AKT1: variants seen among roughly 807,000 people sequenced by gnomAD.
AKT1 encodes AKT serine/threonine kinase 1.
AKT1 carries 21 observed loss-of-function variants against 63.1 expected under a neutral mutation model. The observed-to-expected ratio is 0.33, with a 90% confidence interval of 0.24 to 0.48. The LOEUF (loss-of-function observed/expected upper bound fraction) is 0.48, where lower values mean the gene tolerates loss of function less well. Ranked by LOEUF, AKT1 falls within the 20% of genes least tolerant of loss-of-function variation. The pLI, the probability that AKT1 is intolerant of heterozygous loss-of-function variation, is 0.99. For synonymous variants in AKT1, 257 were observed against 253.1 expected, an observed-to-expected ratio of 1.02 and a Z score of -0.15; for missense variants, 382 against 666.0, an observed-to-expected ratio of 0.57 and a Z score of 4.69.
In AKT1 at chr14:104,780,196, G is replaced by T. The variant is rs1892954511; in HGVS notation, c.67C>A (p.Arg23=). The T allele has an allele frequency of 6.2e-7, 1 of 1,613,258 alleles. No homozygotes were observed. The highest frequency in any genetic ancestry group is 8.5e-7 in the Non-Finnish European group (1 of 1,179,896). ...TTCTTGAGGAGGAAGTAGCGTGGCC[G>T]CCAGGTCTTGATGTACTCCCCTACA... is the stretch of plus-strand genomic sequence containing the variant. ...HKRGEYIKTW[R]PRYFLLKNDG... is the part of the protein sequence containing the mutation. The change falls in exon 4 of 15, where the codon CGG becomes AGG. Residue 23 remains arginine, a synonymous_variant. Coordinates refer to ENST00000649815, the MANE Select transcript of AKT1 (RefSeq NM_001382430.1).
At chr14:104,790,613 G>A (rs552627470) in intron 3 of AKT1, among the ~76,000 whole-genome samples, 17 of 152,304 alleles carry the variant, frequency 1.1e-4, no homozygotes, top group African/African-American at 2.4e-4. Flanking sequence ...ACCTGCTCTC[G>A]GCAACAAGAG....
At chr14:104,789,213 G>A (rs1389569789) in intron 3 of AKT1, among the ~76,000 whole-genome samples, 1 of 152,212 alleles carries the variant, frequency 6.6e-6, no homozygotes, top group African/African-American at 2.4e-5. Context: ...TTTCTCGAGA[G>A]CCCAGAGCAC....
At chr14:104,776,617 G>A (rs2140928856) in intron 5 of AKT1, 42 bp downstream of exon 5, 1 of 1,575,450 alleles carries the variant, frequency 6.3e-7, no homozygotes, top group Non-Finnish European at 8.7e-7. Flanking sequence ...CTAAGCGCTG[G>A]GGCTGCCCAA....
intron 1 of AKT1, chr14:104,794,353 C>T (rs1893781624): frequency 6.6e-6 from 1 of 152,446 alleles, no homozygotes; most frequent in African/African-American, 2.4e-5. Context: ...CTGACAGAGT[C>T]AGACAGCTGT....
At chr14:104,775,591 A>G in intron 6 of AKT1, 61 bp downstream of exon 6, 2 of 1,578,274 alleles carry the variant, frequency 1.3e-6, no homozygotes, top group Non-Finnish European at 1.7e-6. Context: ...CCCATGACCC[A>G]CCCAGCCCTC....
intron 3 of AKT1, among the ~76,000 whole-genome samples, chr14:104,786,665 C>T (rs1893349711): frequency 6.6e-6 from 1 of 152,226 alleles, no homozygotes; most frequent in Non-Finnish European, 1.5e-5. Flanking sequence ...CATCTTGTTT[C>T]TGCCCCAACT....
At chr14:104,774,916 C>T in intron 8 of AKT1, 22 bp downstream of exon 8, 2 of 1,605,168 alleles carry the variant, frequency 1.2e-6, no homozygotes, top group South Asian at 1.1e-5. Context: ...AGCCCTTCAG[C>T]CCCATCTGGG....
In AKT1 at chr14:104,770,405, C is replaced by G; in HGVS notation, c.1379G>C (p.Cys460Ser). Residue 460 changes from cysteine (C) to serine (S), a missense_variant, in exon 15 of 15, where the codon TGT becomes TCT. Cys to Ser is a moderately radical substitution (Grantham distance 112). Transcript: ENST00000649815. ...GTGGGGCCTGCGCTCGCTGTCCACACACTCCATGCTGTCATCTGTGGGTGT... is the reference window on the plus strand; with the variant it reads ...GTGGGGCCTGCGCTCGCTGTCCACAGACTCCATGCTGTCATCTGTGGGTGT... ...TPPDQDDSME[C>S]VDSERRPHFP... 6.2e-7 allele frequency: 1 copy of G among 1,612,086 alleles called. No individual in the cohort carries two copies. The highest frequency in any genetic ancestry group is 8.5e-7 in the Non-Finnish European group (1 of 1,179,782).
At chr14:104,781,959 C>T (rs781517819) in intron 3 of AKT1, among the ~76,000 whole-genome samples, 3 of 152,212 alleles carry the variant, frequency 2.0e-5, no homozygotes, top group Non-Finnish European at 2.9e-5. Context: ...AGTGGGCTGC[C>T]GAGCAGGCGT....
chr14:104,772,131 G>A (rs1378696942), intron 13 of AKT1: 2 of 593,670 alleles, frequency 3.4e-6, no homozygotes, highest in South Asian at 2.0e-5. Flanking sequence ...ACACCTCCGA[G>A]GGGAGGAGGA....
At chr14:104,788,542 C>G (rs1329809325) in intron 3 of AKT1, among the ~76,000 whole-genome samples, 1 of 152,220 alleles carries the variant, frequency 6.6e-6, no homozygotes, top group Non-Finnish European at 1.5e-5. Context: ...TGAGGTCCCC[C>G]ACCTCACGCA....
Position 104,774,923 on chromosome 14 carries a change from T to C in AKT1, c.633+15A>G, listed in dbSNP as rs770757599. The C allele has an allele frequency of 1.6e-5, 26 of 1,607,854 alleles. No homozygotes were observed. Among genetic ancestry groups the C allele is most frequent in the Non-Finnish European group, 2.2e-5 (26 of 1,177,812 alleles). ...CTGGCCCCAGCCCTTCAGCCCCATC[T>C]GGGCTCCCACTCACTGTGAGGAAGG... On this transcript the variant is annotated intron_variant, in intron 8 of 14. Coordinates refer to ENST00000649815, the MANE Select transcript of AKT1 (RefSeq NM_001382430.1).
At chr14:104,782,323 G>T (rs11848899) in intron 3 of AKT1, among the ~76,000 whole-genome samples, 24,305 of 152,170 alleles carry the variant, frequency 0.16, 2,119 homozygotes, top group South Asian at 0.27. Context: ...AGACTGATGA[G>T]CGCCCAGGCC....
chr14:104,773,852 G>A (rs772284080), intron 9 of AKT1, 60 bp downstream of exon 9: 64 of 1,507,942 alleles, frequency 4.2e-5, no homozygotes, highest in Non-Finnish European at 3.5e-5. Flanking sequence ...GGGAAGGACC[G>A]GCCCCACCAT....
At chr14:104,790,075 C>G (rs1027839228) in intron 3 of AKT1, among the ~76,000 whole-genome samples, 2 of 152,232 alleles carry the variant, frequency 1.3e-5, no homozygotes, top group Non-Finnish European at 2.9e-5. Flanking sequence ...CATACCCGTC[C>G]CCTCTCATCT....
chr14:104,786,115 G>T (rs1181340157), intron 3 of AKT1, among the ~76,000 whole-genome samples: 3 of 152,058 alleles, frequency 2.0e-5, no homozygotes, highest in Admixed American at 6.5e-5. Flanking sequence ...CTCATTTTTG[G>T]TCTGCCCCAA....
intron 3 of AKT1, among the ~76,000 whole-genome samples, chr14:104,788,923 C>T (rs1036976593): frequency 2.0e-5 from 3 of 152,204 alleles, no homozygotes; most frequent in African/African-American, 7.2e-5. Flanking sequence ...CCGTGAGCCG[C>T]ATGGACACAC....
At chr14:104,790,028 C>T (rs931102443) in intron 3 of AKT1, among the ~76,000 whole-genome samples, 3 of 152,224 alleles carry the variant, frequency 2.0e-5, no homozygotes, top group Non-Finnish European at 4.4e-5. Flanking sequence ...GGAGAAGGAG[C>T]CTGCAGACAC....
intron 3 of AKT1, among the ~76,000 whole-genome samples, chr14:104,780,652 C>T (rs2494739): frequency 0.1 from 15,378 of 152,270 alleles, 1,419 homozygotes; most frequent in East Asian, 0.5. Flanking sequence ...CCCAATCAAC[C>T]AGGGTCGGCC....
Sources: gnomAD v4.1 joint callset for allele counts (sites outside exome capture counted in the v4.1 genomes callset) on GRCh38, gnomAD v4.1.1 for gene constraint, MANE v1.5 for transcripts, NCBI Gene and HGNC (gene_info 2026-07-23, HGNC 2026-07-21) for gene names.